Variants in WLS observed in about 807,000 individuals in gnomAD.
WLS encodes the protein protein wntless homolog.
A neutral mutation model predicts 62.8 loss-of-function variants in WLS; 23 were observed. That is an observed-to-expected ratio of 0.37 (90% CI 0.26 to 0.52). The LOEUF (loss-of-function observed/expected upper bound fraction) is 0.52, where lower values mean the gene tolerates loss of function less well. WLS is among the 20% of genes least tolerant of loss of function. The probability of loss-of-function intolerance (pLI) is 0.92; values close to 1 mark genes in which losing one functional copy is unlikely to be tolerated. For synonymous variants in WLS, 246 were observed against 244.1 expected, an observed-to-expected ratio of 1.01 and a Z score of -0.07; for missense variants, 615 against 697.3, an observed-to-expected ratio of 0.88 and a Z score of 1.33.
At chr1:68,158,273 AT>A (rs984705172) in intron 3 of WLS, among the ~76,000 whole-genome samples, 2 of 152,030 alleles carry the variant, frequency 1.3e-5, no homozygotes, top group African/African-American at 4.8e-5. Context: ...CTCAGAACAC[AT>A]TTTCTGTAGC....
At chr1:68,098,618 G>A in exon 12 of WLS, 2 of 1,612,882 alleles carry the variant, frequency 1.2e-6, no homozygotes, top group African/African-American at 1.3e-5. Context: ...ATAAACATGT[G>A]TTGCCTTGTT....
chr1:68,144,694 CA>C, intron 9 of WLS, 42 bp from the exon 10 acceptor site: 5 of 1,475,634 alleles, frequency 3.4e-6, no homozygotes, highest in Non-Finnish European at 4.7e-6. Flanking sequence ...CATCAGCTAC[CA>C]ATCCTTTTCT....
intron 3 of WLS, among the ~76,000 whole-genome samples, chr1:68,158,383 G>GT (rs1646928638): frequency 6.6e-6 from 1 of 152,130 alleles, no homozygotes; most frequent in Non-Finnish European, 1.5e-5. Flanking sequence ...TAGTTTATAT[G>GT]TTTTCTCCTA....
Position 68,204,383 on chromosome 1 carries a change from G to A in WLS, c.107-10156C>T, listed in dbSNP as rs542426234. The stretch of plus-strand genomic sequence containing the variant: ...CGTCCAGGCTGGAGTGCAGTGGCGC[G>A]GTCTCGGCTCACTGCAAGCTCCGCC... On this transcript the variant is annotated intron_variant, in intron 1 of 11. Transcript: ENST00000262348. 1.4e-3 allele frequency among the ~76,000 whole-genome samples: 215 copies of A among 151,952 alleles called. 1 individual carries two copies. The highest frequency in any genetic ancestry group is 5.0e-3 in the African/African-American group (206 of 41,462).
At chr1:68,148,517 G>A (rs200433684) in intron 7 of WLS, 46 bp downstream of exon 7, 98 of 1,576,136 alleles carry the variant, frequency 6.2e-5, no homozygotes, top group Admixed American at 2.5e-4. Context: ...AGGAGTGGGC[G>A]TGGTGATGCA....
At chr1:68,218,654 C>A (rs774187756) in intron 1 of WLS, among the ~76,000 whole-genome samples, 1 of 152,198 alleles carries the variant, frequency 6.6e-6, no homozygotes, top group African/African-American at 2.4e-5. Flanking sequence ...GTTCCCGCCT[C>A]GCACCTCTGC....
chr1:68,118,364 G>C (rs558395179), intron 11 of WLS, among the ~76,000 whole-genome samples: 1 of 152,314 alleles, frequency 6.6e-6, no homozygotes, highest in South Asian at 2.1e-4. Flanking sequence ...CGTAGTGTCA[G>C]TGAGGATGCG....
chr1:68,163,006 G>T (rs3198918), intron 2 of WLS: 1 of 1,594,120 alleles, frequency 6.3e-7, no homozygotes, highest in Non-Finnish European at 8.6e-7. Flanking sequence ...GAGTGCAGGG[G>T]GCCGTTCATG....
chr1:68,110,691 C>CTCTCTCTCTCTCTCTCTCTCT (rs1646216406), intron 11 of WLS, among the ~76,000 whole-genome samples: 1 of 143,160 alleles, frequency 7.0e-6, no homozygotes, highest in African/African-American at 2.6e-5. Context: ...CTCTCTCTCT[C>CTCTCTCTCTCTCTCTCTCTCT]CATATATATA....
rs1482640572 is a variant in WLS at position 68,131,197 on chromosome 1, C to T, written c.1517-4862G>A. Among the ~76,000 whole-genome samples, 4 of 138,148 alleles carry T rather than the reference C, an allele frequency of 2.9e-5. No homozygotes were observed. In the Admixed American group the frequency reaches 3.2e-4, roughly 11 times the overall value. 90.6% of individuals were successfully genotyped at this position (138,148 alleles called of 152,430 possible). ...AAGTGCTGGGATTACAGGCGTGAGCCACCGCACCTGGCCTTTTTTTTTTTT... is the reference window on the plus strand; with the variant it reads ...AAGTGCTGGGATTACAGGCGTGAGCTACCGCACCTGGCCTTTTTTTTTTTT... On this transcript the variant is annotated intron_variant, in intron 11 of 11. Transcript: ENST00000262348.
intron 11 of WLS, among the ~76,000 whole-genome samples, chr1:68,107,687 C>T (rs1006958945): frequency 8.5e-5 from 13 of 152,170 alleles, no homozygotes; most frequent in African/African-American, 3.1e-4. Context: ...AGGCACTTTC[C>T]TGCGTTTTAC....
At chr1:68,136,341 A>C (rs546407563) in intron 11 of WLS, among the ~76,000 whole-genome samples, 68 of 152,362 alleles carry the variant, frequency 4.5e-4, no homozygotes, top group Admixed American at 3.1e-3. Flanking sequence ...ATGATCCAGC[A>C]GGAGCATAAA....
intron 1 of WLS, among the ~76,000 whole-genome samples, chr1:68,226,845 A>G (rs1428751692): frequency 1.2e-4 from 18 of 152,206 alleles, no homozygotes; most frequent in Admixed American, 1.2e-3. Flanking sequence ...CTCCATAGAA[A>G]CACCTTTATG....
intron 11 of WLS, among the ~76,000 whole-genome samples, chr1:68,134,349 C>T (rs762027993): frequency 2.6e-5 from 4 of 152,144 alleles, no homozygotes; most frequent in Non-Finnish European, 5.9e-5. Context: ...CACAAGGTCA[C>T]AGCACCATGC....
rs182399115 is a variant in WLS, at chr1:68,145,615, A to G, written c.1278+254T>C. Among the ~76,000 whole-genome samples the G allele has an allele frequency of 2.6e-5, 4 of 152,158 alleles. No individual in the cohort carries two copies. In the East Asian group the frequency reaches 7.8e-4, roughly 30 times the overall value. On this transcript the variant is annotated intron_variant, in intron 9 of 11. Transcript: ENST00000262348. ...CCTACATTCCATCACCAAGCTGAAG[A>G]ACCGGCTGAACAAGTTTATTCATTA...
downstream of WLS, among the ~76,000 whole-genome samples, chr1:68,123,100 A>G (rs531184979): frequency 7.9e-4 from 121 of 152,278 alleles, no homozygotes; most frequent in Middle Eastern, 6.8e-3. Context: ...CCTGCGGACT[A>G]AAAAACACAA....
At chr1:68,099,647 T>C (rs559542114) in intron 11 of WLS, 39 of 152,312 alleles carry the variant, frequency 2.6e-4, no homozygotes, top group Non-Finnish European at 5.6e-4. Context: ...TAATACCTAA[T>C]ACAATATAAA....
At chr1:68,219,030 A>T (rs935857907) in intron 1 of WLS, among the ~76,000 whole-genome samples, 2 of 152,256 alleles carry the variant, frequency 1.3e-5, no homozygotes, top group African/African-American at 4.8e-5. Flanking sequence ...CCCCTTCAAA[A>T]TAGCCCTCAC....
chr1:68,154,415 C>T (rs1242213694), intron 4 of WLS, among the ~76,000 whole-genome samples: 1 of 152,010 alleles, frequency 6.6e-6, no homozygotes, highest in Admixed American at 6.6e-5. Context: ...CTATAAAATG[C>T]TAATCAATAT....
Sources: gnomAD v4.1 joint callset for allele counts (sites outside exome capture counted in the v4.1 genomes callset) on GRCh38, gnomAD v4.1.1 for gene constraint, MANE v1.5 for transcripts, NCBI Gene and HGNC (gene_info 2026-07-23, HGNC 2026-07-21) for gene names.